The following SOD2 variants were observed in gnomAD, a reference collection of about 807,000 sequenced individuals.
The protein encoded by SOD2 is superoxide dismutase 2.
A neutral mutation model predicts 27.0 loss-of-function variants in SOD2; 11 were observed. The ratio of observed to expected loss-of-function variants is 0.41; its 90% CI spans 0.26 to 0.67. The LOEUF is 0.67. Among genes scored for constraint, SOD2 ranks in the 30% least tolerant of loss-of-function variants. SOD2 has a pLI of 0.34. For synonymous variants in SOD2, 105 were observed against 103.0 expected (o/e 1.02, Z -0.12); for missense variants, 250 against 274.5 (o/e 0.91, Z 0.63).
chr6:159,711,902 ATTG>A (rs1777788315), intron 1 of SOD2, among the ~76,000 whole-genome samples: 10 of 126,044 alleles, frequency 7.9e-5, no homozygotes, highest in East Asian at 3.1e-4. Context: ...CACCACTCAC[ATTG>A]CTCTGATCAC....
At chr6:159,692,282 CAAAG>C in intron 2 of SOD2, 1 of 693,854 alleles carries the variant, frequency 1.4e-6, no homozygotes, top group Non-Finnish European at 2.0e-6. Flanking sequence ...AACATTTCCC[CAAAG>C]CACATTATAC....
chr6:159,743,633 AT>A (rs766227420), intron 1 of SOD2: 1 of 1,563,060 alleles, frequency 6.4e-7, no homozygotes. Context: ...TGATCTTAAA[AT>A]TGTATTTATA....
chr6:159,708,157 A>G (rs1288969630), intron 1 of SOD2, among the ~76,000 whole-genome samples: 2 of 152,202 alleles, frequency 1.3e-5, no homozygotes, highest in Non-Finnish European at 2.9e-5. Context: ...CCCACACCCA[A>G]TATCATACTG....
chr6:159,682,481 A>G lies in SOD2; in HGVS notation c.*12T>C. ...ATAAAGAGCTTAACATACTCAGCAT[A>G]ACGATCGTGGTTTACTTTTTGCAAG... is the stretch of plus-strand genomic sequence containing the variant. On this transcript the variant is annotated 3_prime_UTR_variant, in exon 5 of 5. Coordinates refer to ENST00000538183, the MANE Select transcript of SOD2 (RefSeq NM_000636.4). 6.2e-7 allele frequency: 1 copy of G among 1,611,722 alleles called. No homozygotes were observed. The highest frequency in any genetic ancestry group is 8.5e-7 in the Non-Finnish European group (1 of 1,178,622).
At chr6:159,725,435 T>A (rs998862535) in intron 1 of SOD2, 1 of 148,120 alleles carries the variant, frequency 6.8e-6, no homozygotes, top group African/African-American at 2.5e-5. Flanking sequence ...GAGCTGAGAT[T>A]GCACCACTGC....
chr6:159,714,531 G>C (rs1489652469), intron 1 of SOD2, among the ~76,000 whole-genome samples: 2 of 152,188 alleles, frequency 1.3e-5, no homozygotes, highest in African/African-American at 2.4e-5. Context: ...AGGCTCAGCA[G>C]CACAGCCTCT....
chr6:159,693,713 C>A (rs970739020), upstream of SOD2, among the ~76,000 whole-genome samples: 3 of 152,210 alleles, frequency 2.0e-5, no homozygotes, highest in Admixed American at 6.5e-5. Flanking sequence ...CCTCCCAGGG[C>A]CCCCGTGGCC....
At chr6:159,758,842 C>G (rs1017633400) in intron 1 of SOD2, among the ~76,000 whole-genome samples, 3 of 152,106 alleles carry the variant, frequency 2.0e-5, no homozygotes, top group African/African-American at 7.2e-5. Context: ...GGCTTGGACT[C>G]CTGCAACTCT....
At chr6:159,753,608 C>G in intron 1 of SOD2, 2 of 1,608,996 alleles carry the variant, frequency 1.2e-6, no homozygotes, top group Non-Finnish European at 1.7e-6. Context: ...TAAAAGCAGT[C>G]AGGATGGTAA....
At chr6:159,688,314 T>C in intron 2 of SOD2, 72 bp from the exon 3 acceptor site, 1 of 929,142 alleles carries the variant, frequency 1.1e-6, no homozygotes, top group Non-Finnish European at 1.7e-6. Context: ...ATTATATTTT[T>C]TTCTTTGTAA....
chr6:159,694,407 A>ATGACT (rs1470587009), upstream of SOD2, among the ~76,000 whole-genome samples: 1 of 152,088 alleles, frequency 6.6e-6, no homozygotes, highest in Non-Finnish European at 1.5e-5. Flanking sequence ...CCTCCGAAGG[A>ATGACT]TGACTAGGCT....
chr6:159,734,864 T>C (rs1328804933), intron 1 of SOD2, among the ~76,000 whole-genome samples: 1 of 152,208 alleles, frequency 6.6e-6, no homozygotes, highest in Non-Finnish European at 1.5e-5. Flanking sequence ...TCCAACCTTG[T>C]ATTTTAATGT....
chr6:159,731,473 AAG>A (rs1286094441), upstream of SOD2, among the ~76,000 whole-genome samples: 3 of 152,194 alleles, frequency 2.0e-5, no homozygotes, highest in Non-Finnish European at 2.9e-5. Flanking sequence ...GTCTCAAAAA[AAG>A]AGAGGAAAAA....
chr6:159,749,025 C>T, upstream of SOD2: 2 of 1,000,958 alleles, frequency 2.0e-6, no homozygotes, highest in Non-Finnish European at 2.4e-6. Context: ...ACAAGTAGCG[C>T]ATATATTTAA....
intron 1 of SOD2, among the ~76,000 whole-genome samples, chr6:159,705,290 A>G (rs545579103): frequency 1.3e-5 from 2 of 152,246 alleles, no homozygotes; most frequent in Non-Finnish European, 2.9e-5. Flanking sequence ...TGACGAGTTG[A>G]GAGAAGAAGG....
upstream of SOD2, among the ~76,000 whole-genome samples, chr6:159,746,429 A>G (rs1480202823): frequency 6.6e-6 from 1 of 152,200 alleles, no homozygotes; most frequent in Non-Finnish European, 1.5e-5. Context: ...TGGTGTTTCA[A>G]ATTAAGCTAA....
chr6:159,700,546 CG>C (rs1216989675), intron 1 of SOD2, among the ~76,000 whole-genome samples: 1 of 150,802 alleles, frequency 6.6e-6, no homozygotes, highest in Admixed American at 6.6e-5. Flanking sequence ...CCCAGCTACT[CG>C]GGAGGCTGAG....
rs936816189 is a variant in SOD2 at position 159,676,247 on chromosome 6, G to A, written c.*6246C>T. 3.9e-5 allele frequency: 6 copies of A among 152,142 alleles called. No individual in the cohort carries two copies. The highest frequency in any genetic ancestry group is 1.4e-4 in the African/African-American group (6 of 41,424). 9.4% of individuals were successfully genotyped at this position (152,142 alleles called of 1,614,324 possible). A position where few individuals can be genotyped will look rare whatever the true frequency, so the allele number is the denominator to read the frequency against. Reference sequence around the variant, plus strand: ...TTTGACCCAGCCATCCCATTACTGGGTATATACCCAAAGGATTATAAATCA... The same window carrying A: ...TTTGACCCAGCCATCCCATTACTGGATATATACCCAAAGGATTATAAATCA... On this transcript the variant is annotated 3_prime_UTR_variant, in exon 5 of 5. Transcript: ENST00000538183.
intron 1 of SOD2, chr6:159,755,765 C>CTTTTTTTTT: frequency 2.2e-4 from 39 of 173,374 alleles, no homozygotes; most frequent in African/African-American, 8.7e-4. Flanking sequence ...TTTTTCTTTT[C>CTTTTTTTTT]TTTTTTTTTT....
Sources: gnomAD v4.1 joint callset for allele counts (sites outside exome capture counted in the v4.1 genomes callset) on GRCh38, gnomAD v4.1.1 for gene constraint, MANE v1.5 for transcripts, NCBI Gene and HGNC (gene_info 2026-07-23, HGNC 2026-07-21) for gene names.